The following CHRND variants were observed in gnomAD, a reference collection of about 807,000 sequenced individuals.
The protein encoded by CHRND is acetylcholine receptor subunit delta.
A neutral mutation model predicts 57.8 loss-of-function variants in CHRND; 40 were observed. The ratio of observed to expected loss-of-function variants is 0.69; its 90% CI spans 0.54 to 0.90. The LOEUF is 0.90. CHRND is among the 40% of genes least tolerant of loss of function. CHRND has a pLI of 0.00. For missense variants in CHRND, 634 were observed against 673.9 expected (o/e 0.94, Z 0.66); for synonymous variants, 237 against 270.6 (o/e 0.88, Z 1.22).
intron 7 of CHRND, among the ~76,000 whole-genome samples, chr2:232,530,501 A>T (rs538243628): frequency 5.3e-5 from 8 of 152,214 alleles, no homozygotes; most frequent in African/African-American, 1.7e-4. Flanking sequence ...TGGGTGAATA[A>T]CAGGGTCTCT....
chr2:232,531,521 A>G (rs1385599994), intron 8 of CHRND, 21 bp from the exon 9 acceptor site: 2 of 1,613,792 alleles, frequency 1.2e-6, no homozygotes, highest in Middle Eastern at 1.6e-4. Context: ...TGGGAGCTCC[A>G]AGCTGAGTGT....
intron 11 of CHRND, 70 bp downstream of exon 11, chr2:232,534,412 G>GGGGAACCCTGCCCTCTTAAGAT: frequency 6.7e-7 from 1 of 1,484,280 alleles, no homozygotes; most frequent in Non-Finnish European, 9.4e-7. Context: ...TCTATCTTAA[G>GGGGAACCCTGCCCTCTTAAGAT]AGGGCAGGGT....
Position 232,531,460 on chromosome 2 carries a change from G to A in CHRND, c.929G>A (p.Gly310Asp). ...PATSMAIPLI[G>D]KFLLFGMVLV... ...ACATCCATGGCCATCCCCCTTATCGGCAAGTGAGTGACGCTCAAGCCCGGC... is the reference window on the plus strand; with the variant it reads ...ACATCCATGGCCATCCCCCTTATCGACAAGTGAGTGACGCTCAAGCCCGGC... The change falls in exon 8 of 12, where the codon GGC (glycine) becomes GAC (aspartate). Residue 310 changes from glycine (G) to aspartate (D), a missense_variant. Transcript: ENST00000258385. 6.2e-7 allele frequency: 1 copy of A among 1,613,824 alleles called. No homozygotes were observed. Among genetic ancestry groups the A allele is most frequent in the Non-Finnish European group, 8.5e-7 (1 of 1,179,882 alleles).
In CHRND at chr2:232,535,980, G is replaced by A. The variant is rs1691879190; in HGVS notation, c.*668G>A. On this transcript the variant is annotated 3_prime_UTR_variant, in exon 12 of 12. Transcript: ENST00000258385. ...CAGCACCTCTCCCCAAAGGGTCCCT[G>A]CCCCCCAGCACCTACTCCTCTCCAA... is the stretch of plus-strand genomic sequence containing the variant. 2.2e-6 allele frequency: 1 copy of A among 453,976 alleles called. No individual in the cohort carries two copies. The highest frequency in any genetic ancestry group is 2.0e-5 in the African/African-American group (1 of 49,986). 28.1% of individuals were successfully genotyped at this position (453,976 alleles called of 1,614,324 possible). A position where few individuals can be genotyped will look rare whatever the true frequency, so the allele number is the denominator to read the frequency against.
In CHRND at chr2:232,534,421, G is replaced by C. The variant is rs141871900; in HGVS notation, c.1371+79G>C. 3.3e-5 allele frequency: 46 copies of C among 1,409,312 alleles called. No individual in the cohort carries two copies. In the Middle Eastern group the frequency reaches 1.6e-3, roughly 48 times the overall value. 87.3% of individuals were successfully genotyped at this position (1,409,312 alleles called of 1,614,324 possible). On this transcript the variant is annotated intron_variant, in intron 11 of 11. Transcript: ENST00000258385. Reference sequence around the variant, plus strand: ...GTGTATTCTATCTTAAGAGGGCAGGGTTCCCCTTAGAGGCACACACCAACT... The same window carrying C: ...GTGTATTCTATCTTAAGAGGGCAGGCTTCCCCTTAGAGGCACACACCAACT...
In CHRND at chr2:232,529,058, G is replaced by GCA. The variant is rs146659836; in HGVS notation, c.619+101_619+102dup. The GCA allele has an allele frequency of 2.4e-3, 2,009 of 836,890 alleles. 6 individuals carry two copies. The highest frequency in any genetic ancestry group is 0.016 in the African/African-American group (960 of 59,610). 51.8% of individuals were successfully genotyped at this position (836,890 alleles called of 1,614,324 possible). A position where few individuals can be genotyped will look rare whatever the true frequency, so the allele number is the denominator to read the frequency against. ...CTGTCCACCCCAGAGACACACACGT[G>GCA]CACACACACACACACTTAGGACACC... On this transcript the variant is annotated intron_variant, in intron 6 of 11. Coordinates refer to ENST00000258385, the MANE Select transcript of CHRND (RefSeq NM_000751.3).
chr2:232,529,036 TC>T, intron 6 of CHRND, 65 bp downstream of exon 6: 1 of 1,152,868 alleles, frequency 8.7e-7, no homozygotes, highest in Non-Finnish European at 1.3e-6. Context: ...ACTGGCCCTG[TC>T]CACCCCAGAG....
chr2:232,532,463 G>A (rs924959618), intron 9 of CHRND, among the ~76,000 whole-genome samples: 4 of 121,200 alleles, frequency 3.3e-5, no homozygotes, highest in African/African-American at 6.4e-5. Flanking sequence ...AGACAAGAGC[G>A]AAACTCTGTC....
Position 232,534,150 on chromosome 2 carries a change from G to T in CHRND, c.1252+15G>T. ...CACCACTGCACGTGGGTCCCCGCTG[G>T]TCTTGGTTTTCAGCCCATCTGTGGG... On this transcript the variant is annotated intron_variant, in intron 10 of 11. Coordinates refer to ENST00000258385, the MANE Select transcript of CHRND (RefSeq NM_000751.3). 1 of 1,614,090 alleles carries T rather than the reference G, an allele frequency of 6.2e-7. No homozygotes were observed. The highest frequency in any genetic ancestry group is 2.2e-5 in the East Asian group (1 of 44,880).
At chr2:232,527,642 G>A (rs1691531666) in intron 3 of CHRND, among the ~76,000 whole-genome samples, 197 bp downstream of exon 3, 2 of 152,164 alleles carry the variant, frequency 1.3e-5, no homozygotes. Context: ...TACTCGGGAA[G>A]CTGAGGCAGG....
intron 1 of CHRND, 59 bp from the exon 2 acceptor site, chr2:232,526,470 T>G: frequency 6.8e-6 from 11 of 1,610,624 alleles, no homozygotes; most frequent in Non-Finnish European, 3.4e-6. Flanking sequence ...TCAGGGCAGC[T>G]TCCTTCCTGA....
chr2:232,526,326 A>G lies in CHRND; in HGVS notation c.52+59A>G. The G allele has an allele frequency of 1.9e-6, 3 of 1,571,296 alleles. No homozygotes were observed. In the African/African-American group the frequency reaches 4.0e-5, roughly 21 times the overall value. On this transcript the variant is annotated intron_variant, in intron 1 of 11. Transcript: ENST00000258385. ...CCCGTGATGCTTACCCAGGCCCCAC[A>G]CCGCATGGCTCCTCACTCACTCCAC... is the stretch of plus-strand genomic sequence containing the variant.
intron 6 of CHRND, 112 bp downstream of exon 6, chr2:232,529,083 C>A: frequency 2.7e-6 from 2 of 753,944 alleles, no homozygotes; most frequent in Non-Finnish European, 2.3e-6. Flanking sequence ...CTTAGGACAC[C>A]AATACACAGC....
rs1243433932 is a variant in CHRND at position 232,535,794 on chromosome 2, C to T, written c.*482C>T. ...ACTGAGGTTGAGGACACCTCCCTCC[C>T]TCCAGACCCCAGAGTATCCTTTCCT... On this transcript the variant is annotated 3_prime_UTR_variant, in exon 12 of 12. Transcript: ENST00000258385. 1 of 454,670 alleles carries T rather than the reference C, an allele frequency of 2.2e-6. No homozygotes were observed. The highest frequency in any genetic ancestry group is 4.4e-6 in the Non-Finnish European group (1 of 227,256). 28.2% of individuals were successfully genotyped at this position (454,670 alleles called of 1,614,324 possible). A position where few individuals can be genotyped will look rare whatever the true frequency, so the allele number is the denominator to read the frequency against.
At position 232,536,371 on chromosome 2, in the gene CHRND, C is replaced by T. The variant is rs1222011946; in HGVS notation, c.*1059C>T. On this transcript the variant is annotated 3_prime_UTR_variant, in exon 12 of 12. Transcript: ENST00000258385. Reference sequence around the variant, plus strand: ...ATGGCCTCTTTCTTGCTCATTAGCCCTCATTCTCACATCAGTTGGATCTCT... The same window carrying T: ...ATGGCCTCTTTCTTGCTCATTAGCCTTCATTCTCACATCAGTTGGATCTCT... The T allele has an allele frequency of 4.4e-6, 2 of 454,122 alleles. No individual in the cohort carries two copies. The highest frequency in any genetic ancestry group is 3.1e-5 in the South Asian group (2 of 64,476). The allele number at this position is 454,122 out of a possible 1,614,324, so 28.1% of individuals were successfully genotyped here.
Position 232,535,294 on chromosome 2 carries a change from G to C in CHRND, c.1536G>C (p.Gln512His), listed in dbSNP as rs765012905. 3.1e-6 allele frequency: 5 copies of C among 1,613,848 alleles called. No individual in the cohort carries two copies. The highest frequency in any genetic ancestry group is 3.4e-6 in the Non-Finnish European group (4 of 1,180,046). ...GGGACCCCTACTCCTACAACGTGCA[G>C]GACAAGCGCTTCATCTAGGGTGGGC... ...FPGDPYSYNV[Q>H]DKRFI Residue 512 changes from glutamine (Q) to histidine (H), a missense_variant, in exon 12 of 12, where the codon CAG becomes CAC. Physicochemically the swap from Gln to His is conservative, Grantham distance 24. Coordinates refer to ENST00000258385, the MANE Select transcript of CHRND (RefSeq NM_000751.3).
At chr2:232,531,502 G>C in intron 8 of CHRND, 39 bp downstream of exon 8, 1 of 1,613,634 alleles carries the variant, frequency 6.2e-7, no homozygotes, top group Non-Finnish European at 8.5e-7. Flanking sequence ...CTGCTTGCCA[G>C]CCCAGCCCTG....
At chr2:232,531,284 C>A in intron 7 of CHRND, 68 bp from the exon 8 acceptor site, 1 of 819,642 alleles carries the variant, frequency 1.2e-6, no homozygotes, top group South Asian at 1.8e-5. Context: ...AGGACCGGTG[C>A]CCCAAGGTCA....
At position 232,529,984 on chromosome 2, in the gene CHRND, TG is replaced by T. The variant is rs757927360; in HGVS notation, c.667del (p.Asp223ThrfsTer103). ...GTCCACCGGCCGGCCAGGGTCAACG[TG>T]GACCCCAGAGCCCCTCTGGACAGCC... ...EIVHRPARVN[V>X]DPRAPLDSPS... On this transcript the variant is annotated frameshift_variant, in exon 7 of 12. Coordinates refer to ENST00000258385, the MANE Select transcript of CHRND (RefSeq NM_000751.3). LOFTEE classifies it high-confidence loss of function. The T allele has an allele frequency of 6.2e-7, 1 of 1,613,956 alleles. No homozygotes were observed. Among genetic ancestry groups the T allele is most frequent in the East Asian group, 2.2e-5 (1 of 44,880 alleles).
Sources: gnomAD v4.1 joint callset for allele counts (sites outside exome capture counted in the v4.1 genomes callset) on GRCh38, gnomAD v4.1.1 for gene constraint, MANE v1.5 for transcripts, NCBI Gene and HGNC (gene_info 2026-07-23, HGNC 2026-07-21) for gene names.